The following MAP3K13 variants were observed in gnomAD, a reference collection of about 807,000 sequenced individuals.
The protein encoded by MAP3K13 is leucine zipper-bearing kinase.
In MAP3K13, 52 loss-of-function variants were observed where a neutral mutation model predicts 104.0. That is an observed-to-expected ratio of 0.50 (90% confidence interval 0.40 to 0.63). The LOEUF is 0.63. MAP3K13 is among the 20% of genes least tolerant of loss of function. MAP3K13 has a pLI of 0.00. For synonymous variants in MAP3K13, 394 were observed against 442.2 expected (o/e 0.89, Z 1.37); for missense variants, 914 against 1,218.5 (o/e 0.75, Z 3.72).
At chr3:185,475,385 C>A (rs1171723259) in intron 11 of MAP3K13, among the ~76,000 whole-genome samples, 1 of 152,162 alleles carries the variant, frequency 6.6e-6, no homozygotes, top group African/African-American at 2.4e-5. Flanking sequence ...CATCATTGTT[C>A]ACCAGGAATT....
intron 2 of MAP3K13, among the ~76,000 whole-genome samples, chr3:185,321,041 C>T (rs528584058): frequency 1.5e-3 from 89 of 58,796 alleles, no homozygotes; most frequent in Non-Finnish European, 3.0e-3. Context: ...ATATTATATG[C>T]GTGCACACAT....
intron 2 of MAP3K13, among the ~76,000 whole-genome samples, chr3:185,306,245 G>T (rs956380278): frequency 3.3e-5 from 5 of 152,172 alleles, no homozygotes; most frequent in Non-Finnish European, 7.3e-5. Context: ...ATGTACATGA[G>T]TGCATGTGTC....
Position 185,465,856 on chromosome 3 carries a change from C to G in MAP3K13, c.1498C>G (p.Leu500Val). 2.5e-6 allele frequency: 4 copies of G among 1,610,040 alleles called. No homozygotes were observed. The highest frequency in any genetic ancestry group is 3.4e-6 in the Non-Finnish European group (4 of 1,176,338). The change falls in exon 9 of 14, where the codon CTC becomes GTC. Residue 500 changes from leucine (L) to valine (V), a missense_variant. Leu to Val is a conservative substitution (Grantham distance 32). Transcript: ENST00000265026. The stretch of plus-strand genomic sequence containing the variant: ...GCAGCTAGAAATGCGGGAGAAGGAG[C>G]TCATTAAGTATGTATCCAGACTAGT... ...MLQLEMREKE[L>V]IKREQAVEKK... is the part of the protein sequence containing the mutation.
At chr3:185,321,122 AC>A (rs1721847498) in intron 2 of MAP3K13, among the ~76,000 whole-genome samples, 2 of 151,786 alleles carry the variant, frequency 1.3e-5, no homozygotes, top group East Asian at 1.9e-4. Context: ...GCGTGCACAC[AC>A]ATATACACAT....
chr3:185,382,698 G>A (rs1219106517), intron 1 of MAP3K13, among the ~76,000 whole-genome samples: 1 of 151,956 alleles, frequency 6.6e-6, no homozygotes, highest in Non-Finnish European at 1.5e-5. Context: ...CACAAGAGCT[G>A]GTTGTTAAAA....
intron 1 of MAP3K13, among the ~76,000 whole-genome samples, chr3:185,373,945 G>A (rs1440712895): frequency 1.3e-5 from 2 of 151,664 alleles, no homozygotes; most frequent in Admixed American, 6.6e-5. Flanking sequence ...GTTCTTATAG[G>A]TTTTGGGATG....
At chr3:185,400,167 G>A (rs1311010216) in intron 1 of MAP3K13, among the ~76,000 whole-genome samples, 1 of 151,986 alleles carries the variant, frequency 6.6e-6, no homozygotes, top group African/African-American at 2.4e-5. Context: ...CCCTATTTTC[G>A]ACATCTCTCA....
intron 1 of MAP3K13, among the ~76,000 whole-genome samples, chr3:185,375,344 AG>A (rs141049255): frequency 6.6e-6 from 1 of 151,850 alleles, no homozygotes; most frequent in Non-Finnish European, 1.5e-5. Flanking sequence ...TAGGGAAGGG[AG>A]GGGGCCTGAG....
At chr3:185,379,740 T>C (rs1724613601) in intron 1 of MAP3K13, among the ~76,000 whole-genome samples, 1 of 152,194 alleles carries the variant, frequency 6.6e-6, no homozygotes. Context: ...ACATTCATTA[T>C]TTTTTTCCCT....
At position 185,450,139 on chromosome 3, in the gene MAP3K13, A is replaced by G. The variant is rs1715803320; in HGVS notation, c.1169+81A>G. On this transcript the variant is annotated intron_variant, in intron 6 of 13. Coordinates refer to ENST00000265026, the MANE Select transcript of MAP3K13 (RefSeq NM_004721.5). The surrounding 1 kb of genome is among the most constrained non-coding windows in gnomAD (Gnocchi z 4.2). ...ATATCCTGGTGGTGGAAAGAATAGG[A>G]GCTTTGGAGTAGGAGAATCTTGGGT... The G allele has an allele frequency of 1.7e-5, 23 of 1,326,448 alleles. No individual in the cohort carries two copies. The South Asian group carries it at 3.6e-4, about 21-fold the overall frequency. 82.2% of individuals were successfully genotyped at this position (1,326,448 alleles called of 1,614,324 possible). A position where few individuals can be genotyped will look rare whatever the true frequency, so the allele number is the denominator to read the frequency against.
chr3:185,460,966 G>A (rs1717064210), intron 7 of MAP3K13, among the ~76,000 whole-genome samples: 1 of 152,200 alleles, frequency 6.6e-6, no homozygotes, highest in South Asian at 2.1e-4. Flanking sequence ...GTAGGATACA[G>A]TGACAGTTTT....
In MAP3K13 at chr3:185,428,908, C is replaced by T. The variant is rs773960020; in HGVS notation, c.327C>T (p.Ser109=). 3 of 1,614,130 alleles carry T rather than the reference C, an allele frequency of 1.9e-6. No individual in the cohort carries two copies. The South Asian group carries it at 3.3e-5, about 18-fold the overall frequency. Residue 109 remains serine, a synonymous_variant, in exon 2 of 14, where the codon AGC becomes AGT. Coordinates refer to ENST00000265026, the MANE Select transcript of MAP3K13 (RefSeq NM_004721.5). ...ACAGCAACACGGTGGACGGAGAGAG[C>T]ACAAGCGGAACTGAAGACATAAAGA... ...QGNSNTVDGE[S]TSGTEDIKIQ...
chr3:185,473,370 G>A lies in MAP3K13; in HGVS notation c.2039G>A (p.Arg680Gln), dbSNP rs1267105230. The change falls in exon 11 of 14, where the codon CGG (arginine) becomes CAG (glutamine). Residue 680 changes from arginine to glutamine, a missense_variant. This residue lies in a region of MAP3K13 where 583 missense variants were observed against 737.4 expected (regional missense o/e 0.79). Coordinates refer to ENST00000265026, the MANE Select transcript of MAP3K13 (RefSeq NM_004721.5). The surrounding 1 kb of genome is among the most constrained non-coding windows in gnomAD (Gnocchi z 4.9). ...LRYFGPAAAL[R>Q]SPLSNHAQRQ... The stretch of plus-strand genomic sequence containing the variant: ...TATTTCGGCCCAGCAGCAGCCCTGC[G>A]GAGCCCACTCAGCAACCATGCTCAG... 9.3e-6 allele frequency: 15 copies of A among 1,614,172 alleles called. No homozygotes were observed. The highest frequency in any genetic ancestry group is 2.2e-5 in the East Asian group (1 of 44,886).
intron 2 of MAP3K13, among the ~76,000 whole-genome samples, chr3:185,335,723 G>A (rs1173873654): frequency 6.6e-6 from 1 of 152,080 alleles, no homozygotes; most frequent in Non-Finnish European, 1.5e-5. Context: ...CAATGTAAAT[G>A]CTATGTGAAT....
intron 1 of MAP3K13, among the ~76,000 whole-genome samples, chr3:185,415,992 G>A (rs945275081): frequency 6.6e-6 from 1 of 152,120 alleles, no homozygotes; most frequent in Non-Finnish European, 1.5e-5. Context: ...AACCTAGAAT[G>A]TAAAAATAAC....
At chr3:185,382,202 G>A (rs1199216139) in intron 1 of MAP3K13, among the ~76,000 whole-genome samples, 5 of 147,288 alleles carry the variant, frequency 3.4e-5, no homozygotes, top group South Asian at 2.2e-4. Context: ...ATTAGGAATA[G>A]TAAGAGATTA....
Position 185,418,465 on chromosome 3 carries a change from G to T in MAP3K13, c.-85-10032G>T. ...ACGATGCCAACGGCGCCAGGTTTTG[G>T]TTGGTGCAAACCTTCGGCCTCCACG... On this transcript the variant is annotated intron_variant, in intron 1 of 13. Transcript: ENST00000265026. The surrounding 1 kb of genome is among the most constrained non-coding windows in gnomAD (Gnocchi z 4.5). The T allele has an allele frequency of 6.2e-7, 1 of 1,611,354 alleles. No homozygotes were observed.
rs1264871750 is a variant in MAP3K13, at chr3:185,454,445, T to G, written c.1278+3050T>G. ...AGATATATATGATATATATGAGATA[T>G]ATATATGAGATATATATGATATATA... On this transcript the variant is annotated intron_variant, in intron 7 of 13. Coordinates refer to ENST00000265026, the MANE Select transcript of MAP3K13 (RefSeq NM_004721.5). Among the ~76,000 whole-genome samples the G allele has an allele frequency of 2.5e-5, 3 of 118,274 alleles. 1 individual carries two copies. Among genetic ancestry groups the G allele is most frequent in the African/African-American group, 6.7e-5 (2 of 29,802 alleles). 77.6% of individuals were successfully genotyped at this position (118,274 alleles called of 152,430 possible). A position where few individuals can be genotyped will look rare whatever the true frequency, so the allele number is the denominator to read the frequency against.
rs555203573 is a variant in MAP3K13, at chr3:185,380,655, T to G, written c.-86+17287T>G. On this transcript the variant is annotated intron_variant, in intron 1 of 13. Transcript: ENST00000265026. The stretch of plus-strand genomic sequence containing the variant: ...GTGCTAAATTTCAGGAATCCTTGAT[T>G]TATAGCAGAGTTTCTCAGACTTTTA... 6.6e-5 allele frequency among the ~76,000 whole-genome samples: 10 copies of G among 152,294 alleles called. No individual in the cohort carries two copies. In the South Asian group the frequency reaches 8.3e-4, roughly 13 times the overall value.
Sources: allele counts gnomAD v4.1 joint callset (sites outside exome capture counted in the v4.1 genomes callset), GRCh38; gene constraint gnomAD v4.1.1; regional missense constraint gnomAD v4.1.1; non-coding constraint Gnocchi (gnomAD v3.1); transcripts MANE v1.5; gene names NCBI Gene and HGNC (gene_info 2026-07-23, HGNC 2026-07-21).